The following SLC24A2 variants were observed in gnomAD, a reference collection of about 807,000 sequenced individuals.
SLC24A2 encodes sodium/potassium/calcium exchanger 2.
A neutral mutation model predicts 62.0 loss-of-function variants in SLC24A2; 36 were observed. That is an observed-to-expected ratio of 0.58 (90% confidence interval 0.44 to 0.77). The LOEUF (loss-of-function observed/expected upper bound fraction) is 0.77. SLC24A2 is among the 30% of genes least tolerant of loss of function. The probability of loss-of-function intolerance (pLI) is 0.00; values close to 1 mark genes in which losing one functional copy is unlikely to be tolerated. For synonymous variants in SLC24A2, 358 were observed against 294.0 expected, an observed-to-expected ratio of 1.22 and a Z score of -2.23; for missense variants, 846 against 817.9, an observed-to-expected ratio of 1.03 and a Z score of -0.42.
the SLC24A2 span, among the ~76,000 whole-genome samples, chr9:20,235,537 G>A: frequency 1.9e-4 from 29 of 152,214 alleles, no homozygotes; most frequent in Non-Finnish European, 1.8e-4. Context: ...AGCCATATGC[G>A]GGATATAATC....
the SLC24A2 span, among the ~76,000 whole-genome samples, chr9:20,147,492 A>G: frequency 6.6e-6 from 1 of 152,142 alleles, no homozygotes; most frequent in African/African-American, 2.4e-5. Context: ...TTATTTTAAA[A>G]GAAATAAAAA....
the SLC24A2 span, among the ~76,000 whole-genome samples, chr9:20,042,178 G>A: frequency 6.6e-6 from 1 of 152,198 alleles, no homozygotes; most frequent in African/African-American, 2.4e-5. Context: ...AACCTGCCAT[G>A]AGTCCAGCAC....
chr9:20,025,926 G>T, the SLC24A2 span, among the ~76,000 whole-genome samples: 1 of 152,110 alleles, frequency 6.6e-6, no homozygotes, highest in African/African-American at 2.4e-5. Flanking sequence ...AATTTCTCTT[G>T]CCCCTAATAA....
the SLC24A2 span, among the ~76,000 whole-genome samples, chr9:20,008,767 A>G: frequency 6.6e-6 from 1 of 152,080 alleles, no homozygotes; most frequent in African/African-American, 2.4e-5. Flanking sequence ...GAGTTCTCCC[A>G]CTTACTCCAC....
the SLC24A2 span, among the ~76,000 whole-genome samples, chr9:19,808,226 T>C: frequency 6.6e-6 from 1 of 152,208 alleles, no homozygotes; most frequent in Non-Finnish European, 1.5e-5. The surrounding 1 kb of genome is among the most constrained non-coding windows in gnomAD (Gnocchi z 4.1). Flanking sequence ...GTGTCAGCAT[T>C]ACCAGATGAC....
the SLC24A2 span, among the ~76,000 whole-genome samples, chr9:19,812,791 T>C: frequency 6.6e-6 from 1 of 152,278 alleles, no homozygotes; most frequent in Non-Finnish European, 1.5e-5. Flanking sequence ...CCATTTTTTT[T>C]TGACAGAAAA....
chr9:19,594,437 G>T (rs1836646993), intron 5 of SLC24A2, among the ~76,000 whole-genome samples: 2 of 151,988 alleles, frequency 1.3e-5, no homozygotes, highest in African/African-American at 4.8e-5. Context: ...TATATATAAT[G>T]CATCTTTCCA....
At chr9:20,039,999 G>C in the SLC24A2 span, among the ~76,000 whole-genome samples, 16 of 152,160 alleles carry the variant, frequency 1.1e-4, no homozygotes, top group African/African-American at 3.6e-4. Flanking sequence ...TGTGTCATTG[G>C]GTGAGTAACT....
chr9:19,673,764 G>T (rs1239070396), intron 2 of SLC24A2, among the ~76,000 whole-genome samples: 2 of 152,088 alleles, frequency 1.3e-5, no homozygotes. Flanking sequence ...GTTCTTATGT[G>T]TTAGGTGAGT....
the SLC24A2 span, among the ~76,000 whole-genome samples, chr9:20,274,251 G>C: frequency 7.2e-5 from 11 of 152,158 alleles, no homozygotes; most frequent in Non-Finnish European, 1.2e-4. Context: ...CAGGGGAGGG[G>C]GACCAGGAGT....
the SLC24A2 span, among the ~76,000 whole-genome samples, chr9:20,000,775 G>A: frequency 6.6e-6 from 1 of 152,170 alleles, no homozygotes; most frequent in Admixed American, 6.5e-5. Context: ...ACATGCCCTA[G>A]AGACTAAGTT....
chr9:20,219,501 G>A, the SLC24A2 span, among the ~76,000 whole-genome samples: 8 of 152,126 alleles, frequency 5.3e-5, no homozygotes, highest in African/African-American at 1.7e-4. Context: ...AAATGTCCTC[G>A]GTTGAATGGA....
At chr9:20,092,580 C>T in the SLC24A2 span, among the ~76,000 whole-genome samples, 2 of 152,110 alleles carry the variant, frequency 1.3e-5, no homozygotes, top group South Asian at 2.1e-4. Context: ...TTTCCTTTTG[C>T]TTTTCTTATT....
At chr9:19,908,444 A>T in the SLC24A2 span, among the ~76,000 whole-genome samples, 1 of 152,142 alleles carries the variant, frequency 6.6e-6, no homozygotes, top group Admixed American at 6.6e-5. Context: ...TCATGTCTAA[A>T]ACACCAAAAG....
At chr9:20,116,024 A>G in the SLC24A2 span, among the ~76,000 whole-genome samples, 1 of 152,316 alleles carries the variant, frequency 6.6e-6, no homozygotes, top group Non-Finnish European at 1.5e-5. Context: ...GCCATTGTCC[A>G]TTTCTATGAA....
chr9:19,532,573 C>T (rs979315740), intron 8 of SLC24A2, among the ~76,000 whole-genome samples: 8 of 152,148 alleles, frequency 5.3e-5, no homozygotes, highest in African/African-American at 1.9e-4. Context: ...ATATGAAGAG[C>T]CAACTGTATT....
rs116941657 is a variant in SLC24A2 at position 19,590,551 on chromosome 9, C to T, written c.1129+6678G>A. On this transcript the variant is annotated intron_variant, in intron 5 of 10. Coordinates refer to ENST00000341998, the MANE Select transcript of SLC24A2 (RefSeq NM_020344.4). ...TACAAAGCAATAACCACCCCTTCTACCCAAGCGGACTTCCTGGTCTCCCTC... is the reference window on the plus strand; with the variant it reads ...TACAAAGCAATAACCACCCCTTCTATCCAAGCGGACTTCCTGGTCTCCCTC... Among the ~76,000 whole-genome samples the T allele has an allele frequency of 7.9e-3, 1,200 of 152,290 alleles. 6 individuals are homozygous for T. The highest frequency in any genetic ancestry group is 0.013 in the Non-Finnish European group (875 of 68,024).
At chr9:20,137,089 G>A in the SLC24A2 span, among the ~76,000 whole-genome samples, 4 of 152,076 alleles carry the variant, frequency 2.6e-5, no homozygotes, top group East Asian at 1.9e-4. Context: ...AAGTATGGTC[G>A]AAAGTACTGT....
the SLC24A2 span, among the ~76,000 whole-genome samples, chr9:19,854,810 T>C: frequency 6.6e-6 from 1 of 152,210 alleles, no homozygotes; most frequent in Non-Finnish European, 1.5e-5. Flanking sequence ...TCAGGTCCAC[T>C]TGATCCAGAG....
Sources: allele counts gnomAD v4.1 joint callset (sites outside exome capture counted in the v4.1 genomes callset), GRCh38; gene constraint gnomAD v4.1.1; non-coding constraint Gnocchi (gnomAD v3.1); transcripts MANE v1.5; gene names NCBI Gene and HGNC (gene_info 2026-07-23, HGNC 2026-07-21).